PPP1R1C: variants seen among roughly 807,000 people sequenced by gnomAD.
The protein encoded by PPP1R1C is protein phosphatase 1 regulatory inhibitor subunit 1C.
In PPP1R1C, 15 loss-of-function variants were observed where a neutral mutation model predicts 17.4. That is an observed-to-expected ratio of 0.86 (90% confidence interval 0.58 to 1.33). PPP1R1C has a LOEUF of 1.33. Among genes scored for constraint, PPP1R1C ranks in the 40% most tolerant of loss-of-function variants. PPP1R1C has a pLI of 0.00. For synonymous variants in PPP1R1C, 35 were observed against 43.1 expected, an observed-to-expected ratio of 0.81 and a Z score of 0.73; for missense variants, 143 against 130.0, an observed-to-expected ratio of 1.10 and a Z score of -0.48.
chr2:182,088,182 G>C (rs561795412), intron 4 of PPP1R1C, among the ~76,000 whole-genome samples: 1 of 151,978 alleles, frequency 6.6e-6, no homozygotes, highest in Admixed American at 6.6e-5. Flanking sequence ...GGTATTTAAA[G>C]ATTTACGGGT....
At chr2:182,067,893 A>T (rs568196062) in intron 4 of PPP1R1C, among the ~76,000 whole-genome samples, 1 of 152,226 alleles carries the variant, frequency 6.6e-6, no homozygotes, top group East Asian at 1.9e-4. Flanking sequence ...GCATCAGTTA[A>T]TTGCCAATAT....
rs1574347337 is a variant in PPP1R1C, at chr2:181,976,310, TA to T, written n.157+1049del. On this transcript the variant is annotated intron_variant and non_coding_transcript_variant, in intron 2 of 5. Coordinates refer to the PPP1R1C transcript ENST00000464264. This position sits in a 1 kb window ranked among gnomAD's most constrained non-coding sequence, Gnocchi z 4.8. ...TTATACTAGATACAGCTATACTATT[TA>T]AACATTGTGTGAAATTTTTGAAAAT... Among the ~76,000 whole-genome samples, 3 of 152,232 alleles carry T rather than the reference TA, an allele frequency of 2.0e-5. No homozygotes were observed. In the East Asian group the frequency reaches 5.8e-4, roughly 29 times the overall value.
Position 182,013,894 on chromosome 2 carries a change from TC to T in PPP1R1C, c.142+25996del, listed in dbSNP as rs1686165245. On this transcript the variant is annotated intron_variant, in intron 2 of 4. Coordinates refer to ENST00000682840, the MANE Select transcript of PPP1R1C (RefSeq NM_001080545.3). The stretch of plus-strand genomic sequence containing the variant: ...TTCTGCTTAATTTTTAAAAATTATT[TC>T]AATCTCTTGTTAAATTTATCTGATA... Among the ~76,000 whole-genome samples, 4 of 152,334 alleles carry T rather than the reference TC, an allele frequency of 2.6e-5. No homozygotes were observed. The South Asian group carries it at 8.3e-4, about 32-fold the overall frequency.
chr2:182,076,295 C>T (rs75691596), intron 4 of PPP1R1C, among the ~76,000 whole-genome samples: 1,764 of 137,294 alleles, frequency 0.013, 17 homozygotes, highest in Non-Finnish European at 0.019. Flanking sequence ...CCCAGGTTCA[C>T]GCCATTCTCC....
intron 2 of PPP1R1C, among the ~76,000 whole-genome samples, chr2:182,033,609 G>A (rs1276357213): frequency 6.6e-6 from 1 of 152,002 alleles, no homozygotes; most frequent in Non-Finnish European, 1.5e-5. Flanking sequence ...GCTTAACTCA[G>A]GTCCTTATCA....
chr2:182,046,098 TTC>T (rs1687336932), intron 2 of PPP1R1C, among the ~76,000 whole-genome samples: 2 of 12,418 alleles, frequency 1.6e-4, no homozygotes, highest in African/African-American at 4.2e-4. Flanking sequence ...CTACATTTCC[TTC>T]CTTCCTTCCT....
At chr2:182,002,641 A>G (rs1191595326) in intron 2 of PPP1R1C, among the ~76,000 whole-genome samples, 1 of 152,122 alleles carries the variant, frequency 6.6e-6, no homozygotes, top group African/African-American at 2.4e-5. Context: ...AATGGCTAAG[A>G]CTAATGCACC....
intron 2 of PPP1R1C, among the ~76,000 whole-genome samples, chr2:181,998,840 T>G (rs1174828963): frequency 6.6e-6 from 1 of 152,208 alleles, no homozygotes; most frequent in Non-Finnish European, 1.5e-5. Flanking sequence ...TTTAAGCACT[T>G]CTCACCTGCT....
rs537044237 is a variant in PPP1R1C at position 182,051,745 on chromosome 2, A to T, written c.143-9697A>T. Among the ~76,000 whole-genome samples the T allele has an allele frequency of 1.1e-4, 17 of 152,298 alleles. 1 individual carries two copies. In the South Asian group the frequency reaches 3.5e-3, roughly 32 times the overall value. On this transcript the variant is annotated intron_variant, in intron 2 of 4. Coordinates refer to ENST00000682840, the MANE Select transcript of PPP1R1C (RefSeq NM_001080545.3). ...TAATGACCTCTCTATGTTTATTCCC[A>T]CTGTTTAAATACAGTTAAACCATTT...
intron 2 of PPP1R1C, among the ~76,000 whole-genome samples, chr2:182,052,131 G>A (rs891897300): frequency 1.2e-4 from 19 of 152,194 alleles, no homozygotes; most frequent in Admixed American, 8.5e-4. Flanking sequence ...ATCAAATACC[G>A]TTGTATCTAA....
At chr2:182,062,893 C>A (rs534614003) in intron 3 of PPP1R1C, among the ~76,000 whole-genome samples, 1 of 152,128 alleles carries the variant, frequency 6.6e-6, no homozygotes, top group Non-Finnish European at 1.5e-5. Context: ...GCCCCAGATG[C>A]AAAAACTCAT....
At chr2:182,083,268 A>G (rs528239707) in intron 4 of PPP1R1C, among the ~76,000 whole-genome samples, 14 of 152,296 alleles carry the variant, frequency 9.2e-5, no homozygotes, top group Non-Finnish European at 1.8e-4. Flanking sequence ...TTTTATTTCA[A>G]TAGTTTTAGA....
chr2:182,035,737 C>T (rs1036798072), intron 2 of PPP1R1C, among the ~76,000 whole-genome samples: 47 of 152,182 alleles, frequency 3.1e-4, no homozygotes, highest in Admixed American at 2.9e-3. Context: ...GTAAGTTTCC[C>T]GAGGCCTCCT....
rs534536599 is a variant in PPP1R1C at position 181,979,635 on chromosome 2, C to G, written n.157+4371C>G. Among the ~76,000 whole-genome samples the G allele has an allele frequency of 9.9e-5, 15 of 152,248 alleles. No homozygotes were observed. The South Asian group carries it at 3.1e-3, about 32-fold the overall frequency. ...GGCTCAGTTGGGGGTATCGGGGTAT[C>G]TACTTTTGCAAAGAAATGTGCATGG... On this transcript the variant is annotated intron_variant and non_coding_transcript_variant, in intron 2 of 5. Coordinates refer to the PPP1R1C transcript ENST00000464264.
Position 181,967,956 on chromosome 2 carries a change from C to CCA in PPP1R1C, n.112-7261_112-7260dup, listed in dbSNP as rs1334025308. Among the ~76,000 whole-genome samples the CCA allele has an allele frequency of 6.6e-6, 1 of 152,198 alleles. No homozygotes were observed. The highest frequency in any genetic ancestry group is 1.5e-5 in the Non-Finnish European group (1 of 68,040). On this transcript the variant is annotated intron_variant and non_coding_transcript_variant, in intron 1 of 5. Coordinates refer to the PPP1R1C transcript ENST00000464264. This position sits in a 1 kb window ranked among gnomAD's most constrained non-coding sequence, Gnocchi z 5.5. ...TCTCAAACTCCCAATCTCAGGTGAT[C>CCA]CACCCGCCTTGGTCTCCCAAAGTGC...
rs186918228 is a variant in PPP1R1C, at chr2:182,114,435, C to T, written c.242-2772C>T. Among the ~76,000 whole-genome samples, 129 of 152,238 alleles carry T rather than the reference C, an allele frequency of 8.5e-4. 1 individual carries two copies. The highest frequency in any genetic ancestry group is 2.9e-3 in the African/African-American group (120 of 41,540). On this transcript the variant is annotated intron_variant, in intron 4 of 4. Coordinates refer to ENST00000682840, the MANE Select transcript of PPP1R1C (RefSeq NM_001080545.3). ...TAAAGAAAATTAAACACAAATTATA[C>T]GTGTGTTTTGGGATGCAGGAGAGGT...
chr2:182,044,031 C>T (rs1304894060), intron 2 of PPP1R1C, among the ~76,000 whole-genome samples: 2 of 152,182 alleles, frequency 1.3e-5, no homozygotes. Context: ...CCTGTTCCCC[C>T]ACCCTCACCT....
rs998214204 is a variant in PPP1R1C, at chr2:181,961,221, T to C, written n.111+6587T>C. 1.1e-6 allele frequency: 1 copy of C among 884,424 alleles called. No individual in the cohort carries two copies. 54.8% of individuals were successfully genotyped at this position (884,424 alleles called of 1,614,324 possible). A position where few individuals can be genotyped will look rare whatever the true frequency, so the allele number is the denominator to read the frequency against. ...CTGCTGGCTTGATGTCTTAGAACTT[T>C]GGTGTCATTGGTCTCAGACACCACT... On this transcript the variant is annotated intron_variant and non_coding_transcript_variant, in intron 1 of 5. Coordinates refer to the PPP1R1C transcript ENST00000464264. The surrounding 1 kb of genome is among the most constrained non-coding windows in gnomAD (Gnocchi z 5.8).
At position 182,042,637 on chromosome 2, in the gene PPP1R1C, C is replaced by A. The variant is rs1003081186; in HGVS notation, c.143-18805C>A. Among the ~76,000 whole-genome samples the A allele has an allele frequency of 2.0e-5, 3 of 152,136 alleles. No individual in the cohort carries two copies. In the South Asian group the frequency reaches 6.2e-4, roughly 32 times the overall value. The stretch of plus-strand genomic sequence containing the variant: ...GCCCTAGGGAGAAAGAGGAAAGATG[C>A]ATGTGGCATGAGGTTGAGGTGGAAT... On this transcript the variant is annotated intron_variant, in intron 2 of 4. Transcript: ENST00000682840.
Sources: allele counts gnomAD v4.1 joint callset (sites outside exome capture counted in the v4.1 genomes callset), GRCh38; gene constraint gnomAD v4.1.1; non-coding constraint Gnocchi (gnomAD v3.1); transcripts MANE v1.5; gene names NCBI Gene and HGNC (gene_info 2026-07-23, HGNC 2026-07-21).